CTNNA3: variants seen among roughly 807,000 people sequenced by gnomAD.
The protein encoded by CTNNA3 is catenin alpha 3, also known as catenin alpha-3.
CTNNA3 carries 76 observed loss-of-function variants against 95.7 expected under a neutral mutation model. The ratio of observed to expected loss-of-function variants is 0.79; its 90% CI spans 0.66 to 0.96. The LOEUF is 0.96. Ranked by LOEUF, CTNNA3 falls within the 40% of genes least tolerant of loss-of-function variation. The probability of loss-of-function intolerance (pLI) is 0.00; values close to 1 mark genes in which losing one functional copy is unlikely to be tolerated. For missense variants in CTNNA3, 1,191 were observed against 1,089.8 expected, an observed-to-expected ratio of 1.09 and a Z score of -1.31; for synonymous variants, 431 against 374.4, an observed-to-expected ratio of 1.15 and a Z score of -1.74.
intron 5 of CTNNA3, among the ~76,000 whole-genome samples, chr10:67,292,922 G>T (rs1302163539): frequency 6.6e-6 from 1 of 151,748 alleles, no homozygotes; most frequent in Non-Finnish European, 1.5e-5. Flanking sequence ...TTGGAAGTTT[G>T]GTAACTATCA....
chr10:66,314,331 T>A lies in CTNNA3; in HGVS notation c.1733-33710A>T, dbSNP rs537100291. Among the ~76,000 whole-genome samples, 13 of 152,310 alleles carry A rather than the reference T, an allele frequency of 8.5e-5. 1 individual carries two copies. The highest frequency in any genetic ancestry group is 4.1e-4 in the South Asian group (2 of 4,826). ...CAAGGTTGCCAAATGTATCTTTTTTTAAAAAGGCTAGAAATTAGATTTGTA... is the reference window on the plus strand; with the variant it reads ...CAAGGTTGCCAAATGTATCTTTTTTAAAAAAGGCTAGAAATTAGATTTGTA... On this transcript the variant is annotated intron_variant, in intron 12 of 17. Coordinates refer to ENST00000433211, the MANE Select transcript of CTNNA3 (RefSeq NM_013266.4).
chr10:67,469,585 A>G (rs1054307695), intron 5 of CTNNA3, among the ~76,000 whole-genome samples: 9 of 151,148 alleles, frequency 6.0e-5, no homozygotes, highest in Admixed American at 1.3e-4. Flanking sequence ...CAGGGAGGGG[A>G]ACATCATACA....
chr10:67,397,163 A>C (rs1210912541), intron 5 of CTNNA3, among the ~76,000 whole-genome samples: 1 of 152,202 alleles, frequency 6.6e-6, no homozygotes, highest in Non-Finnish European at 1.5e-5. Flanking sequence ...TAGAGGGCTC[A>C]GAAGAAAACA....
intron 5 of CTNNA3, among the ~76,000 whole-genome samples, chr10:67,282,541 G>A (rs763077926): frequency 2.0e-5 from 3 of 152,152 alleles, no homozygotes; most frequent in Non-Finnish European, 4.4e-5. Flanking sequence ...CTACTTTTAT[G>A]TTTTCTTTTC....
At chr10:67,055,768 C>T (rs949379835) in intron 7 of CTNNA3, among the ~76,000 whole-genome samples, 1 of 152,030 alleles carries the variant, frequency 6.6e-6, no homozygotes, top group African/African-American at 2.4e-5. Context: ...AGATGTACCT[C>T]AAAGGTTCTT....
chr10:67,089,162 A>C (rs922024037), intron 7 of CTNNA3, among the ~76,000 whole-genome samples: 1 of 152,004 alleles, frequency 6.6e-6, no homozygotes, highest in African/African-American at 2.4e-5. Context: ...CCAATCCCCC[A>C]TGGATACTGA....
chr10:66,235,489 T>G (rs1423012579), intron 13 of CTNNA3, among the ~76,000 whole-genome samples: 3 of 151,874 alleles, frequency 2.0e-5, no homozygotes, highest in Non-Finnish European at 4.4e-5. Context: ...ATTATTTTAT[T>G]AATCATCATT....
chr10:66,402,616 T>C (rs998010151), intron 11 of CTNNA3, among the ~76,000 whole-genome samples: 2 of 152,124 alleles, frequency 1.3e-5, no homozygotes, highest in Non-Finnish European at 2.9e-5. Context: ...ATCATGGACA[T>C]AAAGACAAAT....
intron 13 of CTNNA3, among the ~76,000 whole-genome samples, chr10:66,196,842 A>T (rs1017579050): frequency 6.6e-6 from 1 of 152,218 alleles, no homozygotes; most frequent in Non-Finnish European, 1.5e-5. Flanking sequence ...AATCTGAGGT[A>T]GATTCAGCTG....
At chr10:67,712,666 C>T (rs1351764883) in intron 1 of CTNNA3, among the ~76,000 whole-genome samples, 1 of 152,172 alleles carries the variant, frequency 6.6e-6, no homozygotes, top group Admixed American at 6.5e-5. Context: ...TGGGACCTGA[C>T]AAAAACAAGC....
intron 5 of CTNNA3, among the ~76,000 whole-genome samples, chr10:67,502,497 T>C (rs961379817): frequency 1.3e-5 from 2 of 152,216 alleles, no homozygotes; most frequent in African/African-American, 4.8e-5. Context: ...GCTCGAGCGC[T>C]GTGCTGGGAG....
intron 9 of CTNNA3, among the ~76,000 whole-genome samples, chr10:66,650,797 C>G (rs1057280920): frequency 1.3e-4 from 20 of 152,146 alleles, no homozygotes; most frequent in Admixed American, 2.6e-4. Flanking sequence ...TGTGGTCTCG[C>G]TGGCTTCAGG....
intron 5 of CTNNA3, among the ~76,000 whole-genome samples, chr10:67,396,220 G>A (rs1589250789): frequency 6.6e-6 from 1 of 152,030 alleles, no homozygotes; most frequent in Non-Finnish European, 1.5e-5. Flanking sequence ...ACACAAAGTT[G>A]AAACTCAATA....
At chr10:67,345,915 C>T (rs911376961) in intron 5 of CTNNA3, among the ~76,000 whole-genome samples, 7 of 152,002 alleles carry the variant, frequency 4.6e-5, no homozygotes, top group Non-Finnish European at 1.0e-4. Context: ...TTCTTTCTTC[C>T]CTTCATGTCT....
chr10:67,703,161 G>C (rs1841054852), intron 1 of CTNNA3, among the ~76,000 whole-genome samples: 1 of 152,158 alleles, frequency 6.6e-6, no homozygotes, highest in Non-Finnish European at 1.5e-5. Context: ...AAGAGTCCAG[G>C]ACCAGAAGGA....
rs1903866 is a variant in CTNNA3, at chr10:66,041,083, A to G, written c.2159+28225T>C. On this transcript the variant is annotated intron_variant, in intron 15 of 17. Transcript: ENST00000433211. ...TTATCACCAGTAATAAGACATACTG[A>G]CATGATGTACTCCCTGATATATAGG... Among the ~76,000 whole-genome samples, 796 of 152,336 alleles carry G rather than the reference A, an allele frequency of 5.2e-3. 23 individuals are homozygous for G. The highest frequency in any genetic ancestry group is 0.045 in the Admixed American group (687 of 15,296).
intron 11 of CTNNA3, among the ~76,000 whole-genome samples, chr10:66,389,214 T>A (rs1402460669): frequency 1.5e-5 from 2 of 129,852 alleles, no homozygotes; most frequent in African/African-American, 5.7e-5. Flanking sequence ...CCTCAAAAAT[T>A]TTTTTTTTCT....
intron 12 of CTNNA3, among the ~76,000 whole-genome samples, chr10:66,307,869 A>G (rs1301441280): frequency 6.6e-6 from 1 of 152,204 alleles, no homozygotes; most frequent in Non-Finnish European, 1.5e-5. Context: ...TGCTTGTCAA[A>G]TGTGCCAAGA....
In CTNNA3 at chr10:66,678,813, A is replaced by G. The variant is rs1367732877; in HGVS notation, c.1282-57029T>C. Among the ~76,000 whole-genome samples the G allele has an allele frequency of 2.6e-5, 4 of 152,050 alleles. 1 individual carries two copies. The highest frequency in any genetic ancestry group is 2.0e-4 in the Admixed American group (3 of 15,244). On this transcript the variant is annotated intron_variant, in intron 9 of 17. Coordinates refer to ENST00000433211, the MANE Select transcript of CTNNA3 (RefSeq NM_013266.4). ...GAGTGTTCTAATTAACTAAGGGGGG[A>G]AAAACATGTGTATGAGAGTGTGTGT...
Sources: allele counts gnomAD v4.1 joint callset (sites outside exome capture counted in the v4.1 genomes callset), GRCh38; gene constraint gnomAD v4.1.1; transcripts MANE v1.5; gene names NCBI Gene and HGNC (gene_info 2026-07-23, HGNC 2026-07-21).